The following C1orf87 variants were observed in gnomAD, a reference collection of about 807,000 sequenced individuals.
The protein encoded by C1orf87 is chromosome 1 open reading frame 87.
A neutral mutation model predicts 60.5 loss-of-function variants in C1orf87; 58 were observed. The ratio of observed to expected loss-of-function variants is 0.96; its 90% CI spans 0.78 to 1.19. The LOEUF (loss-of-function observed/expected upper bound fraction) is 1.19, where lower values mean the gene tolerates loss of function less well. C1orf87 is among the 50% of genes most tolerant of loss of function. The pLI, the probability that C1orf87 is intolerant of heterozygous loss-of-function variation, is 0.00. For synonymous variants in C1orf87, 236 were observed against 227.4 expected, an observed-to-expected ratio of 1.04 and a Z score of -0.34; for missense variants, 673 against 638.6, an observed-to-expected ratio of 1.05 and a Z score of -0.58.
At position 60,022,570 on chromosome 1, in the gene C1orf87, C is replaced by T. The variant is rs188994239; in HGVS notation, c.1127+2831G>A. On this transcript the variant is annotated intron_variant, in intron 8 of 11. Coordinates refer to ENST00000371201, the MANE Select transcript of C1orf87 (RefSeq NM_152377.3). Reference sequence around the variant, plus strand: ...CAGCTAGTACTGAACCCTATATATCCTATGCACAAATTTCTTTTTCCTTCT... The same window carrying T: ...CAGCTAGTACTGAACCCTATATATCTTATGCACAAATTTCTTTTTCCTTCT... 3.5e-4 allele frequency among the ~76,000 whole-genome samples: 53 copies of T among 152,186 alleles called. No homozygotes were observed. In the East Asian group the frequency reaches 7.2e-3, roughly 21 times the overall value.
At chr1:60,034,712 T>C (rs576087359) in intron 6 of C1orf87, among the ~76,000 whole-genome samples, 41 of 152,272 alleles carry the variant, frequency 2.7e-4, no homozygotes, top group African/African-American at 9.9e-4. Flanking sequence ...TATATACTTA[T>C]TCATAGTGCT....
At chr1:60,032,764 T>C (rs1645248203) in intron 7 of C1orf87, among the ~76,000 whole-genome samples, 1 of 152,094 alleles carries the variant, frequency 6.6e-6, no homozygotes. Flanking sequence ...ATTTATTAAA[T>C]GGGTATTATA....
chr1:60,038,050 G>T lies in C1orf87; in HGVS notation c.805C>A (p.Gln269Lys), dbSNP rs202232869. The change falls in exon 6 of 12, where the codon CAA (glutamine) becomes AAA (lysine). Residue 269 changes from glutamine to lysine, a missense_variant. By Grantham distance (53) the Gln-to-Lys change is moderately conservative (BLOSUM62 1). Transcript: ENST00000371201. ...CTCAGGTCTGCAGCTGCTTTATTTT[G>T]CTGTGGATAATCTGATGCTGCACTG... is the stretch of plus-strand genomic sequence containing the variant. Reference protein sequence around the residue: ...LNSAASDYPQQNKAAADLRKT... With the variant: ...LNSAASDYPQKNKAAADLRKT... 8.7e-6 allele frequency: 14 copies of T among 1,610,068 alleles called. No homozygotes were observed. The East Asian group carries it at 3.1e-4, about 36-fold the overall frequency.
intron 2 of C1orf87, among the ~76,000 whole-genome samples, chr1:60,060,805 C>T (rs1463123901): frequency 6.6e-6 from 1 of 152,076 alleles, no homozygotes; most frequent in Non-Finnish European, 1.5e-5. Context: ...ACGATGTCCT[C>T]AGGTGGATTA....
intron 10 of C1orf87, among the ~76,000 whole-genome samples, chr1:59,998,293 T>C (rs1644977685): frequency 1.3e-5 from 2 of 152,296 alleles, no homozygotes; most frequent in Non-Finnish European, 2.9e-5. Context: ...AAAGCACTCT[T>C]AGTCTGCCAG....
intron 8 of C1orf87, among the ~76,000 whole-genome samples, chr1:60,014,276 A>C (rs1161236297): frequency 2.0e-5 from 3 of 152,118 alleles, no homozygotes; most frequent in Non-Finnish European, 4.4e-5. Context: ...CAAGGGGAAG[A>C]TTGTGGTGAA....
At chr1:60,040,315 G>A in intron 4 of C1orf87, 135 bp from the exon 5 acceptor site, 1 of 1,100,724 alleles carries the variant, frequency 9.1e-7, no homozygotes, top group Non-Finnish European at 1.3e-6. Flanking sequence ...GGACAAGTCT[G>A]TGGCACTGAA....
At chr1:60,006,880 G>A (rs555908636) in intron 9 of C1orf87, among the ~76,000 whole-genome samples, 1 of 150,984 alleles carries the variant, frequency 6.6e-6, no homozygotes, top group South Asian at 2.1e-4. Context: ...TTACATGTAC[G>A]TTAGATGTTG....
intron 8 of C1orf87, among the ~76,000 whole-genome samples, chr1:60,012,921 G>C (rs572422500): frequency 6.6e-6 from 1 of 152,240 alleles, no homozygotes; most frequent in South Asian, 2.1e-4. Context: ...GGTCTTCGCA[G>C]TTCCATGGAC....
intron 11 of C1orf87, among the ~76,000 whole-genome samples, chr1:59,992,109 C>T (rs560524377): frequency 2.0e-5 from 3 of 152,138 alleles, no homozygotes; most frequent in South Asian, 2.1e-4. Context: ...TTACAATAAC[C>T]CATTTCACAG....
intron 2 of C1orf87, among the ~76,000 whole-genome samples, chr1:60,056,547 T>G (rs1645458045): frequency 6.6e-6 from 1 of 152,200 alleles, no homozygotes; most frequent in Non-Finnish European, 1.5e-5. Context: ...CAAGTAAATG[T>G]CCACTTATAA....
chr1:60,015,099 G>C (rs958461750), intron 8 of C1orf87, among the ~76,000 whole-genome samples: 1 of 152,126 alleles, frequency 6.6e-6, no homozygotes, highest in Non-Finnish European at 1.5e-5. Flanking sequence ...GCTGTGTTAC[G>C]GTCTAAATGT....
Position 60,025,390 on chromosome 1 carries a change from A to G in C1orf87, c.1127+11T>C. ...ATACAAACATTCAGTTCTTAATAAG[A>G]GTTGACTTACTTTATTTCATTTTGG... On this transcript the variant is annotated intron_variant, in intron 8 of 11. Transcript: ENST00000371201. The G allele has an allele frequency of 6.3e-7, 1 of 1,596,626 alleles. No homozygotes were observed. Among genetic ancestry groups the G allele is most frequent in the Non-Finnish European group, 8.6e-7 (1 of 1,165,192 alleles).
chr1:59,997,251 T>A (rs746819417), intron 11 of C1orf87, among the ~76,000 whole-genome samples: 16 of 152,072 alleles, frequency 1.1e-4, no homozygotes, highest in Non-Finnish European at 2.1e-4. Flanking sequence ...GGAGAAGAGA[T>A]TGGCCAGGTG....
intron 6 of C1orf87, among the ~76,000 whole-genome samples, chr1:60,035,613 T>C (rs1428813140): frequency 1.3e-5 from 2 of 152,244 alleles, no homozygotes; most frequent in African/African-American, 4.8e-5. Flanking sequence ...AAACATACTG[T>C]CTGGTTTTTA....
intron 9 of C1orf87, among the ~76,000 whole-genome samples, chr1:60,006,024 C>T (rs1402160591): frequency 6.6e-6 from 1 of 152,000 alleles, no homozygotes; most frequent in African/African-American, 2.4e-5. Context: ...GGCCATAAAA[C>T]TCAATCTGAG....
intron 8 of C1orf87, among the ~76,000 whole-genome samples, chr1:60,019,857 T>G (rs1194616811): frequency 6.6e-6 from 1 of 152,206 alleles, no homozygotes; most frequent in East Asian, 1.9e-4. Context: ...GCATTCAAGA[T>G]GTGACCTGGC....
intron 2 of C1orf87, among the ~76,000 whole-genome samples, chr1:60,063,916 G>A (rs1220614535): frequency 1.3e-5 from 2 of 152,164 alleles, no homozygotes; most frequent in East Asian, 3.9e-4. Flanking sequence ...TTGATCCTGG[G>A]TGTGTCTGTG....
chr1:60,029,830 A>T (rs893093546), intron 7 of C1orf87, among the ~76,000 whole-genome samples: 2 of 151,792 alleles, frequency 1.3e-5, no homozygotes, highest in Admixed American at 1.3e-4. Flanking sequence ...TAGCAGAGAC[A>T]GGGTTTCACC....
Sources: allele counts gnomAD v4.1 joint callset (sites outside exome capture counted in the v4.1 genomes callset), GRCh38; gene constraint gnomAD v4.1.1; transcripts MANE v1.5; gene names NCBI Gene and HGNC (gene_info 2026-07-23, HGNC 2026-07-21).